The following DGLUCY variants were observed in gnomAD, a reference collection of about 807,000 sequenced individuals.
The protein encoded by DGLUCY is D-glutamate cyclase.
In DGLUCY, 58 loss-of-function variants were observed where a neutral mutation model predicts 58.5. The observed-to-expected ratio is 0.99, with a 90% confidence interval of 0.80 to 1.23. The LOEUF (loss-of-function observed/expected upper bound fraction) is 1.23, where lower values mean the gene tolerates loss of function less well. DGLUCY is among the 50% of genes most tolerant of loss of function. DGLUCY has a pLI of 0.00. For missense variants in DGLUCY, 779 were observed against 784.7 expected, an observed-to-expected ratio of 0.99 and a Z score of 0.09; for synonymous variants, 325 against 314.1, an observed-to-expected ratio of 1.03 and a Z score of -0.37.
intron 12 of DGLUCY, among the ~76,000 whole-genome samples, chr14:91,209,392 T>A (rs574429337): frequency 2.6e-5 from 4 of 151,808 alleles, no homozygotes; most frequent in African/African-American, 7.3e-5. Context: ...ACCATAAATG[T>A]CAATGCCACA....
chr14:91,172,010 T>A (rs2048597192), intron 5 of DGLUCY, among the ~76,000 whole-genome samples: 1 of 152,132 alleles, frequency 6.6e-6, no homozygotes, highest in African/African-American at 2.4e-5. Flanking sequence ...TGATATTGGA[T>A]GGGAAAAAAA....
intron 8 of DGLUCY, among the ~76,000 whole-genome samples, chr14:91,187,621 A>G (rs1487030069): frequency 6.6e-6 from 1 of 152,116 alleles, no homozygotes; most frequent in Non-Finnish European, 1.5e-5. Context: ...GCCTCTTACC[A>G]TAGGCTCAGG....
chr14:91,179,931 G>A (rs1193668369), intron 7 of DGLUCY, among the ~76,000 whole-genome samples: 1 of 92,470 alleles, frequency 1.1e-5, no homozygotes, highest in Non-Finnish European at 2.0e-5. Flanking sequence ...TTGCTCTGTT[G>A]CCTAGGCTGG....
intron 10 of DGLUCY, among the ~76,000 whole-genome samples, chr14:91,198,082 G>A (rs183349756): frequency 3.3e-5 from 5 of 152,186 alleles, no homozygotes; most frequent in Non-Finnish European, 7.4e-5. Context: ...TTGCTCTGTC[G>A]CCCAGTCTAT....
chr14:91,091,978 C>T (rs1238037935), intron 1 of DGLUCY, among the ~76,000 whole-genome samples: 1 of 152,140 alleles, frequency 6.6e-6, no homozygotes, highest in Non-Finnish European at 1.5e-5. Context: ...CGGAAATTGA[C>T]CATGTCTTCC....
intron 1 of DGLUCY, among the ~76,000 whole-genome samples, chr14:91,074,110 T>TACAC (rs1269120699): frequency 3.2e-5 from 2 of 62,808 alleles, no homozygotes; most frequent in Non-Finnish European, 6.7e-5. Flanking sequence ...AAAAAATATA[T>TACAC]ATATATATAC....
At chr14:91,193,938 G>T (rs2050057070) in intron 9 of DGLUCY, among the ~76,000 whole-genome samples, 1 of 151,564 alleles carries the variant, frequency 6.6e-6, no homozygotes, top group Non-Finnish European at 1.5e-5. Flanking sequence ...TTTCTTCATA[G>T]CTCAGAAGTG....
At chr14:91,220,214 A>G (rs1054030112) in intron 13 of DGLUCY, among the ~76,000 whole-genome samples, 15 of 152,182 alleles carry the variant, frequency 9.9e-5, no homozygotes, top group African/African-American at 3.6e-4. Flanking sequence ...GGCTCCGCCC[A>G]CTTCAGCCTG....
intron 1 of DGLUCY, among the ~76,000 whole-genome samples, chr14:91,149,816 G>A (rs1427420012): frequency 2.0e-5 from 3 of 152,200 alleles, no homozygotes; most frequent in South Asian, 4.1e-4. Flanking sequence ...GTAACTAAAA[G>A]CAGATTTACT....
At chr14:91,069,442 A>T (rs556162849) in intron 1 of DGLUCY, among the ~76,000 whole-genome samples, 1 of 150,902 alleles carries the variant, frequency 6.6e-6, no homozygotes, top group Non-Finnish European at 1.5e-5. Context: ...TGCCCAGCTA[A>T]ATTTTTTTTG....
chr14:91,151,817 G>A (rs1207128237), intron 1 of DGLUCY, among the ~76,000 whole-genome samples: 1 of 151,878 alleles, frequency 6.6e-6, no homozygotes, highest in Non-Finnish European at 1.5e-5. Context: ...TCCACACCTG[G>A]CTAATTTTTG....
intron 12 of DGLUCY, among the ~76,000 whole-genome samples, chr14:91,211,984 A>G (rs2140700401): frequency 6.6e-6 from 1 of 152,172 alleles, no homozygotes; most frequent in South Asian, 2.1e-4. Context: ...TATTTTTTTA[A>G]TAGAGACGGG....
At chr14:91,108,487 T>TTGTGTG (rs34711327) in intron 1 of DGLUCY, among the ~76,000 whole-genome samples, 1,070 of 74,842 alleles carry the variant, frequency 0.014, 59 homozygotes, top group African/African-American at 0.036. Flanking sequence ...CTTGAAGAAT[T>TTGTGTG]TGTGTGTGTG....
At chr14:91,113,366 G>A (rs1277202705), upstream of DGLUCY, among the ~76,000 whole-genome samples, 1 of 152,250 alleles carries the variant, frequency 6.6e-6, no homozygotes, top group Non-Finnish European at 1.5e-5. Flanking sequence ...GCTCCACGTT[G>A]TCCAAGGGTC....
intron 13 of DGLUCY, among the ~76,000 whole-genome samples, chr14:91,219,401 C>G (rs1401397390): frequency 6.6e-6 from 1 of 152,212 alleles, no homozygotes. Context: ...TGAAGCCGTA[C>G]AGTGTGCAGA....
upstream of DGLUCY, among the ~76,000 whole-genome samples, chr14:91,104,250 G>C (rs1176306216): frequency 2.6e-5 from 4 of 151,498 alleles, no homozygotes; most frequent in Non-Finnish European, 5.9e-5. Context: ...TTTTAGTAGA[G>C]ACGGGGTTTC....
chr14:91,074,217 G>T (rs2043977557), intron 1 of DGLUCY, among the ~76,000 whole-genome samples: 1 of 144,010 alleles, frequency 6.9e-6, no homozygotes, highest in Non-Finnish European at 1.5e-5. Flanking sequence ...GATCACATGA[G>T]CCTAGGAGGC....
intron 1 of DGLUCY, among the ~76,000 whole-genome samples, chr14:91,065,010 A>G (rs2043797739): frequency 6.6e-6 from 1 of 152,216 alleles, no homozygotes; most frequent in African/African-American, 2.4e-5. Context: ...AAATTGCAGA[A>G]GAGTTGCAAA....
chr14:91,199,833 A>G lies in DGLUCY; in HGVS notation c.1372A>G (p.Ile458Val), dbSNP rs1407552523. The G allele has an allele frequency of 1.2e-6, 2 of 1,614,078 alleles. No homozygotes were observed. The highest frequency in any genetic ancestry group is 8.5e-7 in the Non-Finnish European group (1 of 1,180,036). ...GNYYNARKMN[I>V]KHLVDPIDDL... ...TTACTACAATGCAAGGAAGATGAAC[A>G]TCAAGCACTTGGTTGACCCCATTGA... is the stretch of plus-strand genomic sequence containing the variant. Residue 458 changes from isoleucine (I) to valine (V), a missense_variant, in exon 11 of 14, where the codon ATC becomes GTC. By Grantham distance (29) the Ile-to-Val change is conservative (BLOSUM62 3). Transcript: ENST00000256324.
Sources: gnomAD v4.1 joint callset for allele counts (sites outside exome capture counted in the v4.1 genomes callset) on GRCh38, gnomAD v4.1.1 for gene constraint, MANE v1.5 for transcripts, NCBI Gene and HGNC (gene_info 2026-07-23, HGNC 2026-07-21) for gene names.